Variants in ZNF462 observed in about 807,000 individuals in gnomAD.
ZNF462 encodes zinc finger protein 462.
ZNF462 carries 10 observed loss-of-function variants against 201.9 expected under a neutral mutation model. The ratio of observed to expected loss-of-function variants is 0.05; its 90% CI spans 0.03 to 0.08. ZNF462 has a LOEUF of 0.08. Among genes scored for constraint, ZNF462 ranks in the 10% least tolerant of loss-of-function variants. The probability of loss-of-function intolerance (pLI) is 1.00; values close to 1 mark genes in which losing one functional copy is unlikely to be tolerated. For synonymous variants in ZNF462, 1,227 were observed against 1,193.3 expected (o/e 1.03, Z -0.58); for missense variants, 2,523 against 3,168.3 (o/e 0.80, Z 4.89).
chr9:107,004,040 T>C (rs1007584987), intron 11 of ZNF462, among the ~76,000 whole-genome samples: 1 of 152,202 alleles, frequency 6.6e-6, no homozygotes, highest in Non-Finnish European at 1.5e-5. Flanking sequence ...TAACTTCCTG[T>C]GAGTCTATAA....
At position 106,950,809 on chromosome 9, in the gene ZNF462, G is replaced by C. The variant is rs549590027; in HGVS notation, c.6427+11702G>C. Reference sequence around the variant, plus strand: ...TAACTCTTTAAAAAATTAAGTTCAGGCCAGGCGTGGTGGCTCGCACCTGTA... The same window carrying C: ...TAACTCTTTAAAAAATTAAGTTCAGCCCAGGCGTGGTGGCTCGCACCTGTA... On this transcript the variant is annotated intron_variant, in intron 7 of 12. Transcript: ENST00000277225. The surrounding 1 kb of genome is among the most constrained non-coding windows in gnomAD (Gnocchi z 4.1). 5.3e-5 allele frequency among the ~76,000 whole-genome samples: 8 copies of C among 152,280 alleles called. No homozygotes were observed. The highest frequency in any genetic ancestry group is 1.9e-4 in the African/African-American group (8 of 41,556).
Position 106,923,350 on chromosome 9 carries a change from A to G in ZNF462, c.-30-4A>G. The G allele has an allele frequency of 6.2e-7, 1 of 1,607,122 alleles. No homozygotes were observed. The highest frequency in any genetic ancestry group is 8.5e-7 in the Non-Finnish European group (1 of 1,174,200). The stretch of plus-strand genomic sequence containing the variant: ...AAGATGTTTTGTTCTGACTTCTGCC[A>G]CAGGTTCCTAATGTGAGAGGCTAGA... On this transcript the variant is annotated splice_polypyrimidine_tract_variant and splice_region_variant and intron_variant, in intron 1 of 12. Transcript: ENST00000277225. The surrounding 1 kb of genome is among the most constrained non-coding windows in gnomAD (Gnocchi z 5.6).
Position 106,924,477 on chromosome 9 carries a change from T to C in ZNF462, c.565T>C (p.Leu189=), listed in dbSNP as rs1016967176. The change falls in exon 3 of 13, where the codon TTG becomes CTG. Residue 189 remains leucine (L), a synonymous_variant. Coordinates refer to ENST00000277225, the MANE Select transcript of ZNF462 (RefSeq NM_021224.6). This position sits in a 1 kb window ranked among gnomAD's most constrained non-coding sequence, Gnocchi z 6.2. ...TCAGAAGATGTATCACAAAAACAAT[T>C]TGAAGGAGACCACTGCTCCCCCACC... is the stretch of plus-strand genomic sequence containing the variant. The part of the protein sequence containing the change: ...KHQKMYHKNN[L]KETTAPPPAP... 13 of 1,613,832 alleles carry C rather than the reference T, an allele frequency of 8.1e-6. No homozygotes were observed. Among genetic ancestry groups the C allele is most frequent in the African/African-American group, 1.3e-5 (1 of 74,834 alleles).
chr9:106,928,533 A>G lies in ZNF462; in HGVS notation c.4621A>G (p.Ile1541Val), dbSNP rs201238481. The change falls in exon 3 of 13, where the codon ATC (isoleucine) becomes GTC (valine). Residue 1541 changes from isoleucine (I) to valine (V), a missense_variant. This residue lies in a region of ZNF462 where 200 missense variants were observed against 281.3 expected (regional missense o/e 0.71). Transcript: ENST00000277225. The surrounding 1 kb of genome is among the most constrained non-coding windows in gnomAD (Gnocchi z 9.3). ...LTHYQKRHPS[I>V]KVTAEDFVHD... The stretch of plus-strand genomic sequence containing the variant: ...CCACTACCAGAAGCGACACCCGTCC[A>G]TCAAGGTGACCGCTGAGGACTTTGT... The G allele has an allele frequency of 2.2e-5, 35 of 1,614,024 alleles. No individual in the cohort carries two copies. The Admixed American group carries it at 3.7e-4, about 17-fold the overall frequency.
At position 106,981,579 on chromosome 9, in the gene ZNF462, G is replaced by A. The variant is rs767232455; in HGVS notation, c.6833-2607G>A. On this transcript the variant is annotated intron_variant, in intron 9 of 12. Coordinates refer to ENST00000277225, the MANE Select transcript of ZNF462 (RefSeq NM_021224.6). The surrounding 1 kb of genome is among the most constrained non-coding windows in gnomAD (Gnocchi z 4.0). Reference sequence around the variant, plus strand: ...TAGAACACCTAACGGTGCTTGAACCGTAGCGAGCACTTAATAGTCTGCAGT... The same window carrying A: ...TAGAACACCTAACGGTGCTTGAACCATAGCGAGCACTTAATAGTCTGCAGT... Among the ~76,000 whole-genome samples the A allele has an allele frequency of 1.6e-4, 24 of 152,310 alleles. No homozygotes were observed. Among genetic ancestry groups the A allele is most frequent in the African/African-American group, 4.3e-4 (18 of 41,560 alleles).
At position 107,010,870 on chromosome 9, in the gene ZNF462, AAG is replaced by A. The variant is rs1259122215; in HGVS notation, c.7365_7366del (p.Glu2455AspfsTer7). ...GTGAGCAGAGAAGAAATCCACCCAA[AAG>A]AGATCATGGAGAACAGTGTTAAAAT... On this transcript the variant is annotated frameshift_variant, in exon 13 of 13. Transcript: ENST00000277225. LOFTEE classifies it high-confidence loss of function. This position sits in a 1 kb window ranked among gnomAD's most constrained non-coding sequence, Gnocchi z 4.6. 2.5e-6 allele frequency: 4 copies of A among 1,613,310 alleles called. No homozygotes were observed. Among genetic ancestry groups the A allele is most frequent in the Non-Finnish European group, 3.4e-6 (4 of 1,179,712 alleles).
chr9:106,895,089 C>T lies in ZNF462; in HGVS notation c.-30-28265C>T, dbSNP rs567823923. ...AGGTTGATGCACTGCTTCTGAGTAC[C>T]CTTTGTTTAAACTATTCCAACCTAA... On this transcript the variant is annotated intron_variant, in intron 1 of 12. Coordinates refer to ENST00000277225, the MANE Select transcript of ZNF462 (RefSeq NM_021224.6). This position sits in a 1 kb window ranked among gnomAD's most constrained non-coding sequence, Gnocchi z 4.4. Among the ~76,000 whole-genome samples the T allele has an allele frequency of 6.6e-6, 1 of 152,210 alleles. No individual in the cohort carries two copies. Among genetic ancestry groups the T allele is most frequent in the East Asian group, 1.9e-4 (1 of 5,170 alleles).
chr9:106,960,665 A>C (rs1339958809), intron 7 of ZNF462, among the ~76,000 whole-genome samples: 5 of 152,118 alleles, frequency 3.3e-5, no homozygotes, highest in Non-Finnish European at 7.4e-5. Flanking sequence ...AAAACATTAG[A>C]AAAAGGATCC....
intron 1 of ZNF462, among the ~76,000 whole-genome samples, chr9:106,907,797 G>A (rs1829334852): frequency 6.6e-6 from 1 of 151,748 alleles, no homozygotes; most frequent in South Asian, 2.1e-4. Context: ...CTGTACTTGA[G>A]TTAGATGTTT....
At chr9:106,908,659 T>C (rs1412516926) in intron 1 of ZNF462, among the ~76,000 whole-genome samples, 1 of 151,660 alleles carries the variant, frequency 6.6e-6, no homozygotes, top group African/African-American at 2.4e-5. Flanking sequence ...ATATACCTAA[T>C]TCTAATTAAT....
chr9:106,913,977 C>T lies in ZNF462; in HGVS notation c.-30-9377C>T, dbSNP rs1212670456. Among the ~76,000 whole-genome samples the T allele has an allele frequency of 6.7e-6, 1 of 149,620 alleles. No individual in the cohort carries two copies. Among genetic ancestry groups the T allele is most frequent in the Admixed American group, 6.7e-5 (1 of 14,874 alleles). The stretch of plus-strand genomic sequence containing the variant: ...ATTATCAACTGTGCAAAGGTGGATA[C>T]AAAGGCCGTATCACTAGGAAAGACA... On this transcript the variant is annotated intron_variant, in intron 1 of 12. Coordinates refer to ENST00000277225, the MANE Select transcript of ZNF462 (RefSeq NM_021224.6). This position sits in a 1 kb window ranked among gnomAD's most constrained non-coding sequence, Gnocchi z 4.1.
Position 106,913,100 on chromosome 9 carries a change from T to C in ZNF462, c.-30-10254T>C, listed in dbSNP as rs1035401170. Among the ~76,000 whole-genome samples the C allele has an allele frequency of 2.0e-5, 3 of 152,204 alleles. No individual in the cohort carries two copies. Among genetic ancestry groups the C allele is most frequent in the Non-Finnish European group, 4.4e-5 (3 of 68,028 alleles). On this transcript the variant is annotated intron_variant, in intron 1 of 12. Coordinates refer to ENST00000277225, the MANE Select transcript of ZNF462 (RefSeq NM_021224.6). The surrounding 1 kb of genome is among the most constrained non-coding windows in gnomAD (Gnocchi z 4.1). ...TGTTATAAACACATAGGTGGAACAA[T>C]GCAGCCAGAGGCAGCTTCTCCATGG... is the stretch of plus-strand genomic sequence containing the variant.
At chr9:106,960,951 G>T (rs75425326) in intron 7 of ZNF462, among the ~76,000 whole-genome samples, 1 of 151,994 alleles carries the variant, frequency 6.6e-6, no homozygotes, top group Non-Finnish European at 1.5e-5. Context: ...TACATATCTG[G>T]GATGAGTGCA....
intron 7 of ZNF462, among the ~76,000 whole-genome samples, chr9:106,940,827 G>A (rs1017498543): frequency 4.0e-4 from 61 of 152,134 alleles, no homozygotes; most frequent in African/African-American, 1.4e-3. Flanking sequence ...GAAGGGTAAA[G>A]AAAATGTCCC....
At chr9:106,991,382 T>A (rs970016671) in intron 10 of ZNF462, among the ~76,000 whole-genome samples, 26 of 152,030 alleles carry the variant, frequency 1.7e-4, no homozygotes, top group African/African-American at 6.3e-4. Context: ...ACTACAGTGT[T>A]GCTGAGAGAA....
rs1372373220 is a variant in ZNF462, at chr9:106,981,829, C to T, written c.6833-2357C>T. On this transcript the variant is annotated intron_variant, in intron 9 of 12. Coordinates refer to ENST00000277225, the MANE Select transcript of ZNF462 (RefSeq NM_021224.6). The surrounding 1 kb of genome is among the most constrained non-coding windows in gnomAD (Gnocchi z 4.0). ...AGTCACTGAATGACTATCTTTGAGGCGTGTGGGACATCATTATATGAAAAA... is the reference window on the plus strand; with the variant it reads ...AGTCACTGAATGACTATCTTTGAGGTGTGTGGGACATCATTATATGAAAAA... Among the ~76,000 whole-genome samples, 1 of 152,112 alleles carries T rather than the reference C, an allele frequency of 6.6e-6. No individual in the cohort carries two copies. The highest frequency in any genetic ancestry group is 1.5e-5 in the Non-Finnish European group (1 of 68,028).
intron 7 of ZNF462, among the ~76,000 whole-genome samples, chr9:106,947,200 C>T (rs1831148049): frequency 6.6e-6 from 1 of 152,182 alleles, no homozygotes; most frequent in Non-Finnish European, 1.5e-5. Context: ...TCAAGTTCAA[C>T]CCAAAGGAAG....
Position 106,924,599 on chromosome 9 carries a change from A to G in ZNF462, c.687A>G (p.Leu229=). ...CAGAGGTTGTGGAGCGCAGCATCTT[A>G]GAGTCTATGGTCAAGCCTTTGACCA... ...LPAEVVERSI[L]ESMVKPLTKS... The change falls in exon 3 of 13, where the codon TTA becomes TTG. Residue 229 remains leucine, a synonymous_variant. Coordinates refer to ENST00000277225, the MANE Select transcript of ZNF462 (RefSeq NM_021224.6). This position sits in a 1 kb window ranked among gnomAD's most constrained non-coding sequence, Gnocchi z 6.2. 6.2e-7 allele frequency: 1 copy of G among 1,614,190 alleles called. No homozygotes were observed. Among genetic ancestry groups the G allele is most frequent in the Non-Finnish European group, 8.5e-7 (1 of 1,180,036 alleles).
chr9:106,924,150 T>C lies in ZNF462; in HGVS notation c.238T>C (p.Leu80=), dbSNP rs41277819. The C allele has an allele frequency of 6.8e-4, 1,083 of 1,597,522 alleles. 1 individual carries two copies. The highest frequency in any genetic ancestry group is 8.1e-4 in the Non-Finnish European group (950 of 1,175,080). ...TTCTTTAGGTCAAAATGCAACTTCA[T>C]TGGGGACCGGAGGTTACTATGGCCA... ...EDLSGQNATS[L]GTGGYYGHSP... is the part of the protein sequence containing the mutation. The change falls in exon 3 of 13, where the codon TTG becomes CTG. Residue 80 remains leucine (L), a synonymous_variant. Transcript: ENST00000277225. This position sits in a 1 kb window ranked among gnomAD's most constrained non-coding sequence, Gnocchi z 6.2.
Sources: allele counts gnomAD v4.1 joint callset (sites outside exome capture counted in the v4.1 genomes callset), GRCh38; gene constraint gnomAD v4.1.1; regional missense constraint gnomAD v4.1.1; non-coding constraint Gnocchi (gnomAD v3.1); transcripts MANE v1.5; gene names NCBI Gene and HGNC (gene_info 2026-07-23, HGNC 2026-07-21).